COL18A1: variants seen among roughly 807,000 people sequenced by gnomAD.
COL18A1 encodes collagen alpha-1(XVIII) chain.
COL18A1 carries 133 observed loss-of-function variants against 168.0 expected under a neutral mutation model. That is an observed-to-expected ratio of 0.79 (90% confidence interval 0.69 to 0.91). The LOEUF (loss-of-function observed/expected upper bound fraction) is 0.91, where lower values mean the gene tolerates loss of function less well. Ranked by LOEUF, COL18A1 falls within the 40% of genes least tolerant of loss-of-function variation. COL18A1 has a pLI of 0.00. For synonymous variants in COL18A1, 949 were observed against 809.0 expected (o/e 1.17, Z -2.94); for missense variants, 2,126 against 1,925.4 (o/e 1.10, Z -1.95).
At position 45,480,109 on chromosome 21, in the gene COL18A1, C is replaced by T; in HGVS notation, c.1351C>T (p.Gln451Ter). ...GVGERGPPGP[Q>*]GPPGPPGPSF... ...TGGAGAGAGAGGGCCCCCAGGACCC[C>T]AAGGGCCTCCAGGGCCCCCAGGACC... Residue 451 changes from glutamine (Q) to a stop codon, truncating the protein, a stop_gained, in exon 11 of 42, where the codon CAA becomes TAA. Coordinates refer to ENST00000651438, the MANE Select transcript of COL18A1 (RefSeq NM_001379500.1). LOFTEE classifies it high-confidence loss of function. The T allele has an allele frequency of 6.2e-7, 1 of 1,606,080 alleles. No homozygotes were observed. The highest frequency in any genetic ancestry group is 8.5e-7 in the Non-Finnish European group (1 of 1,173,060).
chr21:45,513,448 G>A lies in COL18A1; in HGVS notation c.*1050G>A, dbSNP rs1034401851. 6.6e-6 allele frequency: 1 copy of A among 152,212 alleles called. No homozygotes were observed. Among genetic ancestry groups the A allele is most frequent in the Non-Finnish European group, 1.5e-5 (1 of 68,050 alleles). The allele number at this position is 152,212 out of a possible 1,614,324, so 9.4% of individuals were successfully genotyped here. A position where few individuals can be genotyped will look rare whatever the true frequency, so the allele number is the denominator to read the frequency against. ...CTTGGGACTGAAGGGGAACCCCGGG[G>A]TGCCCACAGGCCGCCCTGCGGGTGA... On this transcript the variant is annotated 3_prime_UTR_variant, in exon 42 of 42. Coordinates refer to ENST00000651438, the MANE Select transcript of COL18A1 (RefSeq NM_001379500.1).
At chr21:45,436,203 T>C (rs530514608) in intron 2 of COL18A1, among the ~76,000 whole-genome samples, 1 of 152,320 alleles carries the variant, frequency 6.6e-6, no homozygotes, top group African/African-American at 2.4e-5. Flanking sequence ...ACAGTGATTC[T>C]AGCCCTTGAT....
At chr21:45,476,928 T>C (rs1258024846) in intron 6 of COL18A1, among the ~76,000 whole-genome samples, 1 of 147,986 alleles carries the variant, frequency 6.8e-6, no homozygotes, top group Admixed American at 6.7e-5. Flanking sequence ...GTTTTGTGTG[T>C]GTGTGTGTGT....
In COL18A1 at chr21:45,491,385, G is replaced by GCCC. The variant is rs148502711; in HGVS notation, c.2157+77_2157+79dup. On this transcript the variant is annotated intron_variant, in intron 22 of 41. Transcript: ENST00000651438. ...ACGGGGTGCAGAGATCCCTCCCCGA[G>GCCC]CCCCCCCCACACCCCCACATCCCCC... is the stretch of plus-strand genomic sequence containing the variant. The GCCC allele has an allele frequency of 2.0e-3, 1,404 of 716,824 alleles. 7 individuals are homozygous for GCCC. In the African/African-American group the frequency reaches 0.023, roughly 12 times the overall value. 44.4% of individuals were successfully genotyped at this position (716,824 alleles called of 1,614,324 possible). A position where few individuals can be genotyped will look rare whatever the true frequency, so the allele number is the denominator to read the frequency against.
chr21:45,456,706 G>A, intron 2 of COL18A1: 1 of 1,533,096 alleles, frequency 6.5e-7, no homozygotes, highest in Non-Finnish European at 8.7e-7. Flanking sequence ...TCTGCCTGCT[G>A]CTGGTCCCCC....
chr21:45,490,667 C>A (rs1458914386), intron 20 of COL18A1, among the ~76,000 whole-genome samples, 169 bp from the exon 21 acceptor site: 2 of 121,184 alleles, frequency 1.7e-5, no homozygotes, highest in African/African-American at 6.5e-5. Context: ...CCCGGAGCGC[C>A]AGGAGTTAAG....
chr21:45,499,315 G>A (rs963671462), intron 32 of COL18A1, among the ~76,000 whole-genome samples: 1 of 152,260 alleles, frequency 6.6e-6, no homozygotes, highest in Non-Finnish European at 1.5e-5. Flanking sequence ...GTGCAGAGAT[G>A]GGGAGAGACA....
At chr21:45,493,871 C>CT (rs1728010482) in intron 26 of COL18A1, 1 of 466,740 alleles carries the variant, frequency 2.1e-6, no homozygotes, top group Admixed American at 3.4e-5. Flanking sequence ...GGGGCCTGGC[C>CT]TGTGGGGTGC....
intron 2 of COL18A1, among the ~76,000 whole-genome samples, chr21:45,453,326 A>G (rs945179920): frequency 1.3e-5 from 2 of 151,250 alleles, no homozygotes; most frequent in African/African-American, 4.9e-5. Flanking sequence ...TGTGACATAT[A>G]TGGCATAGCT....
chr21:45,465,003 A>G (rs2145879979), intron 2 of COL18A1, among the ~76,000 whole-genome samples: 1 of 152,314 alleles, frequency 6.6e-6, no homozygotes, highest in South Asian at 2.1e-4. Flanking sequence ...CTTTGCATTA[A>G]TGGGATTGCC....
At chr21:45,468,116 A>T in intron 2 of COL18A1, 126 bp from the exon 3 acceptor site, 1 of 1,004,358 alleles carries the variant, frequency 1.0e-6, no homozygotes, top group Non-Finnish European at 1.5e-6. Context: ...GCTGCCAGGC[A>T]CGTGGAGAGC....
intron 32 of COL18A1, among the ~76,000 whole-genome samples, chr21:45,501,991 T>G (rs11700494): frequency 6.7e-5 from 2 of 30,006 alleles, no homozygotes; most frequent in East Asian, 7.4e-4. Context: ...AGAAGGACCC[T>G]CAGGGGCTCC....
chr21:45,475,432 C>A, intron 4 of COL18A1, 44 bp from the exon 5 acceptor site: 2 of 1,540,900 alleles, frequency 1.3e-6, no homozygotes, highest in Non-Finnish European at 1.8e-6. Context: ...CGGGGCCTGG[C>A]CTGGCTGCCA....
At position 45,493,517 on chromosome 21, in the gene COL18A1, C is replaced by T. The variant is rs557802919; in HGVS notation, c.2294C>T (p.Pro765Leu). 6.7e-5 allele frequency: 104 copies of T among 1,561,502 alleles called. No homozygotes were observed. In the South Asian group the frequency reaches 8.1e-4, roughly 12 times the overall value. ...CCATTCCAGGGTGAGAAGGGTGAAC[C>T]GGGCAGCATCTTCAGCCCCGACGGC... ...SPGPKGEKGE[P>L]GSIFSPDGGA... Residue 765 changes from proline (P) to leucine (L), a missense_variant, in exon 26 of 42, where the codon CCG becomes CTG. By Grantham distance (98) the Pro-to-Leu change is moderately conservative. Transcript: ENST00000651438.
intron 21 of COL18A1, 145 bp from the exon 22 acceptor site, chr21:45,491,079 AG>A: frequency 2.3e-6 from 2 of 851,998 alleles, no homozygotes; most frequent in Non-Finnish European, 3.9e-6. Flanking sequence ...CCTGCCTGGC[AG>A]GGGGCTCCAA....
At position 45,438,323 on chromosome 21, in the gene COL18A1, C is replaced by G. The variant is rs1462948842; in HGVS notation, c.107-29919C>G. Reference sequence around the variant, plus strand: ...ACACACTCAGACACACAGGCACTCTCCTGCACACACACACACTCACACACT... The same window carrying G: ...ACACACTCAGACACACAGGCACTCTGCTGCACACACACACACTCACACACT... On this transcript the variant is annotated intron_variant, in intron 2 of 41. Transcript: ENST00000651438. Among the ~76,000 whole-genome samples, 13 of 86,256 alleles carry G rather than the reference C, an allele frequency of 1.5e-4. 2 individuals carry two copies. In the Admixed American group the frequency reaches 1.6e-3, roughly 11 times the overall value. The allele number at this position is 86,256 out of a possible 152,430, so 56.6% of individuals were successfully genotyped here.
chr21:45,511,845 G>A (rs143978773), intron 41 of COL18A1, among the ~76,000 whole-genome samples: 1 of 152,348 alleles, frequency 6.6e-6, no homozygotes, highest in African/African-American at 2.4e-5. Flanking sequence ...CTGAAAGCCA[G>A]GAGCCCGGGA....
chr21:45,448,567 ACGCT>A (rs1294617213), intron 2 of COL18A1, among the ~76,000 whole-genome samples: 1 of 152,272 alleles, frequency 6.6e-6, no homozygotes, highest in African/African-American at 2.4e-5. Flanking sequence ...GCAAGTACAG[ACGCT>A]CGCTGAGGTG....
chr21:45,444,852 C>T (rs1223950685), intron 2 of COL18A1, among the ~76,000 whole-genome samples: 2 of 152,092 alleles, frequency 1.3e-5, no homozygotes, highest in Non-Finnish European at 2.9e-5. Context: ...AAGAGAAAAA[C>T]TTTCATCAAA....
Sources: allele counts gnomAD v4.1 joint callset (sites outside exome capture counted in the v4.1 genomes callset), GRCh38; gene constraint gnomAD v4.1.1; transcripts MANE v1.5; gene names NCBI Gene and HGNC (gene_info 2026-07-23, HGNC 2026-07-21).